The following CSMD1 variants were observed in gnomAD, a reference collection of about 807,000 sequenced individuals.
CSMD1 encodes the protein CUB and Sushi multiple domains 1, also known as CUB and sushi domain-containing protein 1.
Under a neutral mutation model 417.5 loss-of-function variants are expected in CSMD1, and 213 were observed. That is an observed-to-expected ratio of 0.51 (90% CI 0.46 to 0.57). The LOEUF is 0.57. Among genes scored for constraint, CSMD1 ranks in the 20% least tolerant of loss-of-function variants. The pLI, the probability that CSMD1 is intolerant of heterozygous loss-of-function variation, is 0.00. For synonymous variants in CSMD1, 2,862 were observed against 1,736.8 expected (o/e 1.65, Z -16.11); for missense variants, 6,923 against 4,529.7 (o/e 1.53, Z -15.17).
At chr8:4,577,690 T>G (rs1799202481) in intron 2 of CSMD1, among the ~76,000 whole-genome samples, 2 of 152,186 alleles carry the variant, frequency 1.3e-5, no homozygotes, top group African/African-American at 4.8e-5. Context: ...GAGGACAAAT[T>G]GCTCCTTCAA....
Position 4,494,414 on chromosome 8 carries a change from G to C in CSMD1, c.303-74349C>G, listed in dbSNP as rs17070416. ...TTTCTATTTTAATATTCACAAGTCA[G>C]TTTCCCTACAATTAGTTTATCGCAT... On this transcript the variant is annotated intron_variant, in intron 2 of 69. Coordinates refer to ENST00000635120, the MANE Select transcript of CSMD1 (RefSeq NM_033225.6). Among the ~76,000 whole-genome samples the C allele has an allele frequency of 4.2e-3, 643 of 152,208 alleles. 6 individuals carry two copies. Among genetic ancestry groups the C allele is most frequent in the African/African-American group, 0.015 (629 of 41,538 alleles).
In CSMD1 at chr8:4,862,774, G is replaced by A. The variant is rs560733849; in HGVS notation, c.85+131558C>T. ...AGCGACAACTTGGAAAAGGTTCTTG[G>A]AATCATGAAATCCGGTGACAGCCTA... On this transcript the variant is annotated intron_variant, in intron 1 of 69. Coordinates refer to ENST00000635120, the MANE Select transcript of CSMD1 (RefSeq NM_033225.6). Among the ~76,000 whole-genome samples, 21 of 152,182 alleles carry A rather than the reference G, an allele frequency of 1.4e-4. No homozygotes were observed. The South Asian group carries it at 4.3e-3, about 32-fold the overall frequency.
intron 5 of CSMD1, among the ~76,000 whole-genome samples, chr8:3,981,358 G>C (rs868808377): frequency 1.3e-5 from 2 of 152,000 alleles, no homozygotes; most frequent in Non-Finnish European, 2.9e-5. Context: ...GAGTGGAAGG[G>C]GGGTGAAGGA....
At chr8:4,018,021 G>T (rs60003008) in intron 4 of CSMD1, among the ~76,000 whole-genome samples, 3 of 152,038 alleles carry the variant, frequency 2.0e-5, no homozygotes, top group Admixed American at 6.5e-5. Flanking sequence ...TTGTCCACTC[G>T]TAACTGTCAT....
intron 7 of CSMD1, among the ~76,000 whole-genome samples, chr8:3,645,742 G>T (rs1797541900): frequency 1.3e-5 from 2 of 152,108 alleles, no homozygotes; most frequent in African/African-American, 4.8e-5. Flanking sequence ...GGCATCTGGA[G>T]GCAAAAGTTA....
intron 5 of CSMD1, among the ~76,000 whole-genome samples, chr8:3,855,112 G>C (rs1222542333): frequency 2.0e-5 from 3 of 152,024 alleles, no homozygotes; most frequent in Non-Finnish European, 2.9e-5. Flanking sequence ...TGAAGCTATG[G>C]TTTTAAATAT....
intron 3 of CSMD1, among the ~76,000 whole-genome samples, chr8:4,248,073 G>A (rs1802818986): frequency 6.6e-6 from 1 of 152,034 alleles, no homozygotes; most frequent in African/African-American, 2.4e-5. Context: ...AAATTGTTAA[G>A]GAACTTTCTT....
intron 7 of CSMD1, among the ~76,000 whole-genome samples, chr8:3,683,823 G>A (rs777768032): frequency 4.6e-5 from 7 of 152,050 alleles, no homozygotes; most frequent in South Asian, 2.1e-4. Flanking sequence ...CAATGTTTGC[G>A]TAATCATTCT....
intron 5 of CSMD1, among the ~76,000 whole-genome samples, chr8:3,887,171 G>C (rs993100533): frequency 6.6e-6 from 1 of 152,126 alleles, no homozygotes; most frequent in Non-Finnish European, 1.5e-5. Context: ...GGGTATTCCA[G>C]CTGCTGAAGT....
chr8:3,818,604 G>T (rs572284839), intron 5 of CSMD1, among the ~76,000 whole-genome samples: 1 of 151,832 alleles, frequency 6.6e-6, no homozygotes, highest in Non-Finnish European at 1.5e-5. Context: ...TGCTAGAAAA[G>T]GGAGAAACAG....
chr8:3,274,404 G>C (rs1335174516), intron 26 of CSMD1, among the ~76,000 whole-genome samples: 1 of 152,152 alleles, frequency 6.6e-6, no homozygotes, highest in Non-Finnish European at 1.5e-5. Flanking sequence ...TGTATATTCT[G>C]TTGATTTGGG....
intron 5 of CSMD1, among the ~76,000 whole-genome samples, chr8:3,984,062 G>A (rs564794958): frequency 5.7e-4 from 67 of 117,098 alleles, no homozygotes; most frequent in South Asian, 1.4e-3. Flanking sequence ...GCTGTCAATT[G>A]CAGCTCTAGA....
intron 3 of CSMD1, among the ~76,000 whole-genome samples, chr8:4,163,707 A>G (rs575101137): frequency 6.6e-6 from 1 of 152,304 alleles, no homozygotes; most frequent in African/African-American, 2.4e-5. Flanking sequence ...AAATTTTTTT[A>G]TGGTGGATGT....
intron 10 of CSMD1, among the ~76,000 whole-genome samples, chr8:3,530,558 G>A (rs1006741250): frequency 2.6e-5 from 4 of 152,152 alleles, no homozygotes; most frequent in Non-Finnish European, 5.9e-5. Context: ...GTCTTGCTCT[G>A]TTCCCCAAGC....
chr8:3,317,300 G>A (rs1805838846), intron 23 of CSMD1, among the ~76,000 whole-genome samples: 1 of 152,216 alleles, frequency 6.6e-6, no homozygotes, highest in South Asian at 2.1e-4. Flanking sequence ...AGGAGCATGA[G>A]GAGCACAGAG....
intron 41 of CSMD1, among the ~76,000 whole-genome samples, chr8:3,133,154 GCGACCTGGGGGAGGC>G (rs1327916752): frequency 1.6e-4 from 25 of 152,304 alleles, no homozygotes; most frequent in East Asian, 7.7e-4. Context: ...CTTCTCCTCA[GCGACCTGGGGGAGGC>G]CGACCTGGGG....
At chr8:3,931,116 G>A (rs545108862) in intron 5 of CSMD1, among the ~76,000 whole-genome samples, 2 of 150,532 alleles carry the variant, frequency 1.3e-5, no homozygotes, top group East Asian at 1.9e-4. Flanking sequence ...AGCCTAGGCC[G>A]ATATTGCAGG....
At chr8:3,849,976 C>T (rs992901233) in intron 5 of CSMD1, among the ~76,000 whole-genome samples, 8 of 147,830 alleles carry the variant, frequency 5.4e-5, no homozygotes, top group African/African-American at 1.8e-4. Context: ...CTACCATGCT[C>T]GGCTAATTTG....
At chr8:3,997,468 T>C (rs1815305832) in intron 5 of CSMD1, among the ~76,000 whole-genome samples, 2 of 152,212 alleles carry the variant, frequency 1.3e-5, no homozygotes, top group South Asian at 4.1e-4. Context: ...GGCTACAGAA[T>C]GTGGTACACA....
Sources: allele counts gnomAD v4.1 joint callset (sites outside exome capture counted in the v4.1 genomes callset), GRCh38; gene constraint gnomAD v4.1.1; transcripts MANE v1.5; gene names NCBI Gene and HGNC (gene_info 2026-07-23, HGNC 2026-07-21).